UBE2E2: variants seen among roughly 807,000 people sequenced by gnomAD.
The protein encoded by UBE2E2 is ubiquitin-conjugating enzyme E2 E2.
A neutral mutation model predicts 24.7 loss-of-function variants in UBE2E2; 6 were observed. That is an observed-to-expected ratio of 0.24 (90% CI 0.13 to 0.48). The LOEUF is 0.48. UBE2E2 is among the 20% of genes least tolerant of loss of function. The pLI, the probability that UBE2E2 is intolerant of heterozygous loss-of-function variation, is 0.99. For missense variants in UBE2E2, 169 were observed against 245.0 expected, an observed-to-expected ratio of 0.69 and a Z score of 2.07; for synonymous variants, 104 against 83.6, an observed-to-expected ratio of 1.24 and a Z score of -1.33.
At chr3:23,339,188 A>G (rs979118830) in intron 3 of UBE2E2, among the ~76,000 whole-genome samples, 10 of 152,174 alleles carry the variant, frequency 6.6e-5, no homozygotes, top group South Asian at 2.1e-4. Context: ...CATAGAAAAC[A>G]TCAAACCCAA....
chr3:23,300,231 T>G (rs1335965693), intron 3 of UBE2E2, among the ~76,000 whole-genome samples: 4 of 152,038 alleles, frequency 2.6e-5, no homozygotes, highest in Non-Finnish European at 4.4e-5. Flanking sequence ...TCTTGACTCT[T>G]TATCCAATTT....
At chr3:23,269,771 T>G (rs1223680488) in intron 3 of UBE2E2, among the ~76,000 whole-genome samples, 1 of 152,024 alleles carries the variant, frequency 6.6e-6, no homozygotes. Flanking sequence ...AGGAAGGCCA[T>G]GACAATGGAA....
chr3:23,569,320 T>A (rs189027976), intron 5 of UBE2E2, among the ~76,000 whole-genome samples: 5 of 152,280 alleles, frequency 3.3e-5, no homozygotes, highest in African/African-American at 9.6e-5. Context: ...GACCTAGGAC[T>A]GGTGGATTTG....
At chr3:23,578,221 C>T (rs1196997660) in intron 5 of UBE2E2, among the ~76,000 whole-genome samples, 1 of 152,024 alleles carries the variant, frequency 6.6e-6, no homozygotes, top group East Asian at 1.9e-4. Flanking sequence ...GCAAATTAAA[C>T]CACAATGAGA....
intron 3 of UBE2E2, among the ~76,000 whole-genome samples, chr3:23,315,702 GTATT>G (rs1280954757): frequency 1.3e-5 from 2 of 152,134 alleles, no homozygotes; most frequent in Non-Finnish European, 2.9e-5. Context: ...GAAGAGTCAA[GTATT>G]TATTGTAGTC....
intron 3 of UBE2E2, among the ~76,000 whole-genome samples, chr3:23,304,054 T>C (rs1305858356): frequency 6.6e-6 from 1 of 152,230 alleles, no homozygotes; most frequent in Non-Finnish European, 1.5e-5. Context: ...TAATTTCATT[T>C]CTGCTCTTGA....
chr3:23,385,932 T>G (rs929328387), intron 3 of UBE2E2, among the ~76,000 whole-genome samples: 1 of 152,198 alleles, frequency 6.6e-6, no homozygotes, highest in African/African-American at 2.4e-5. Flanking sequence ...ATTATTATGA[T>G]TGTGAGAACT....
chr3:23,288,285 CATT>C (rs1272943182), intron 3 of UBE2E2, among the ~76,000 whole-genome samples: 3 of 152,120 alleles, frequency 2.0e-5, no homozygotes, highest in Non-Finnish European at 2.9e-5. Context: ...AGATACTTGA[CATT>C]ATTTCAGTTT....
chr3:23,571,280 C>CTTTCTTTTT (rs1696218039), intron 5 of UBE2E2, among the ~76,000 whole-genome samples: 5 of 29,868 alleles, frequency 1.7e-4, no homozygotes, highest in African/African-American at 4.1e-4. Context: ...GTGCTCCTTT[C>CTTTCTTTTT]TTTTTTTTTT....
chr3:23,558,143 C>T (rs2125502665), intron 5 of UBE2E2, among the ~76,000 whole-genome samples: 1 of 152,340 alleles, frequency 6.6e-6, no homozygotes, highest in Non-Finnish European at 1.5e-5. Flanking sequence ...TCCAAAACCA[C>T]TGATAGCTTG....
chr3:23,394,624 C>T lies in UBE2E2; in HGVS notation c.228-104984C>T, dbSNP rs78230047. On this transcript the variant is annotated intron_variant, in intron 3 of 5. Coordinates refer to ENST00000396703, the MANE Select transcript of UBE2E2 (RefSeq NM_152653.4). The stretch of plus-strand genomic sequence containing the variant: ...TACAGAGGGAGAGACTCAACTCTGT[C>T]CCTACCGTTAATCCTCAGTCATTCG... Among the ~76,000 whole-genome samples, 51 of 152,282 alleles carry T rather than the reference C, an allele frequency of 3.3e-4. 1 individual carries two copies. In the East Asian group the frequency reaches 9.5e-3, roughly 28 times the overall value.
chr3:23,388,364 C>A (rs1251378978), intron 3 of UBE2E2, among the ~76,000 whole-genome samples: 1 of 152,158 alleles, frequency 6.6e-6, no homozygotes, highest in Non-Finnish European at 1.5e-5. Context: ...ATTCTCTCTG[C>A]TAATTAATAT....
chr3:23,272,093 G>A (rs1698259290), intron 3 of UBE2E2, among the ~76,000 whole-genome samples: 1 of 152,206 alleles, frequency 6.6e-6, no homozygotes, highest in Admixed American at 6.5e-5. Flanking sequence ...ATGCCTGTTG[G>A]GGAGGCTCGG....
intron 3 of UBE2E2, among the ~76,000 whole-genome samples, chr3:23,354,718 G>A (rs1162233576): frequency 2.0e-5 from 3 of 152,176 alleles, no homozygotes; most frequent in African/African-American, 7.2e-5. Flanking sequence ...TCACTAAAAA[G>A]TCAGGAAGCA....
At chr3:23,217,387 C>A in intron 3 of UBE2E2, 75 bp downstream of exon 3, 1 of 1,327,006 alleles carries the variant, frequency 7.5e-7, no homozygotes, top group Non-Finnish European at 1.1e-6. Flanking sequence ...TTATATGCAG[C>A]TGTTGTTGTA....
intron 3 of UBE2E2, among the ~76,000 whole-genome samples, chr3:23,296,966 ACCTGTTGTTT>A (rs1698928667): frequency 6.6e-6 from 1 of 152,078 alleles, no homozygotes. Flanking sequence ...CCTCTCCAGC[ACCTGTTGTTT>A]CCTGACTTTT....
rs927850379 is a variant in UBE2E2 at position 23,438,373 on chromosome 3, C to T, written c.228-61235C>T. 2.6e-5 allele frequency among the ~76,000 whole-genome samples: 4 copies of T among 152,204 alleles called. No individual in the cohort carries two copies. In the East Asian group the frequency reaches 7.7e-4, roughly 29 times the overall value. ...GAACATCAGCTTTATTCCATAGGAG[C>T]CTGTGGAAGGTTTGAGCAAAGGATT... On this transcript the variant is annotated intron_variant, in intron 3 of 5. Coordinates refer to ENST00000396703, the MANE Select transcript of UBE2E2 (RefSeq NM_152653.4).
Position 23,536,822 on chromosome 3 carries a change from T to C in UBE2E2, c.508+4121T>C, listed in dbSNP as rs150677180. 4.7e-4 allele frequency among the ~76,000 whole-genome samples: 71 copies of C among 152,356 alleles called. 1 individual carries two copies. In the East Asian group the frequency reaches 0.013, roughly 28 times the overall value. ...CATGGGTGCTCATTATACTTTTCTATGTTTGGATATGTTTGAAATTCTTCT... is the reference window on the plus strand; with the variant it reads ...CATGGGTGCTCATTATACTTTTCTACGTTTGGATATGTTTGAAATTCTTCT... On this transcript the variant is annotated intron_variant, in intron 5 of 5. Coordinates refer to ENST00000396703, the MANE Select transcript of UBE2E2 (RefSeq NM_152653.4).
intron 3 of UBE2E2, among the ~76,000 whole-genome samples, chr3:23,382,473 T>C (rs1696699170): frequency 6.6e-6 from 1 of 152,218 alleles, no homozygotes; most frequent in Non-Finnish European, 1.5e-5. Flanking sequence ...TAAGCCACCG[T>C]GCCCGGCCTT....
Sources: allele counts gnomAD v4.1 joint callset (sites outside exome capture counted in the v4.1 genomes callset), GRCh38; gene constraint gnomAD v4.1.1; transcripts MANE v1.5; gene names NCBI Gene and HGNC (gene_info 2026-07-23, HGNC 2026-07-21).